The following ARL15 variants were observed in gnomAD, a reference collection of about 807,000 sequenced individuals.
ARL15 encodes the protein ARF like GTPase 15, also known as ADP-ribosylation factor-like protein 15.
Under a neutral mutation model 25.2 loss-of-function variants are expected in ARL15, and 19 were observed. The observed-to-expected ratio is 0.75, with a 90% CI of 0.53 to 1.10. ARL15 has a LOEUF of 1.10. Among genes scored for constraint, ARL15 ranks in the 50% least tolerant of loss-of-function variants. The pLI, the probability that ARL15 is intolerant of heterozygous loss-of-function variation, is 0.00. For synonymous variants in ARL15, 94 were observed against 86.8 expected, an observed-to-expected ratio of 1.08 and a Z score of -0.46; for missense variants, 220 against 246.0, an observed-to-expected ratio of 0.89 and a Z score of 0.71.
chr5:54,168,208 C>T (rs1754629798), intron 2 of ARL15, among the ~76,000 whole-genome samples: 1 of 152,142 alleles, frequency 6.6e-6, no homozygotes, highest in South Asian at 2.1e-4. Flanking sequence ...TAGCACCTTT[C>T]TTCCCGCTTT....
chr5:53,965,772 G>A (rs1454726963), intron 4 of ARL15, among the ~76,000 whole-genome samples: 2 of 152,010 alleles, frequency 1.3e-5, no homozygotes, highest in Admixed American at 6.6e-5. Context: ...CTGTGGGTTT[G>A]GCAAGCACAC....
intron 3 of ARL15, among the ~76,000 whole-genome samples, chr5:54,127,869 T>C (rs962512995): frequency 1.3e-5 from 2 of 151,548 alleles, no homozygotes; most frequent in African/African-American, 2.4e-5. Context: ...ATGCCGCATA[T>C]CTACAACTAT....
intron 1 of ARL15, among the ~76,000 whole-genome samples, chr5:54,178,578 C>T (rs935662720): frequency 6.6e-6 from 1 of 152,176 alleles, no homozygotes. Context: ...TCACCCATAA[C>T]TTTAAGTGGA....
At chr5:53,894,177 T>C (rs558645979) in intron 4 of ARL15, among the ~76,000 whole-genome samples, 2 of 152,350 alleles carry the variant, frequency 1.3e-5, no homozygotes, top group Admixed American at 6.5e-5. Flanking sequence ...TGCTTCTTTC[T>C]TAAGGATACT....
At chr5:54,241,371 T>G (rs1168697597) in intron 1 of ARL15, among the ~76,000 whole-genome samples, 1 of 152,166 alleles carries the variant, frequency 6.6e-6, no homozygotes, top group Non-Finnish European at 1.5e-5. Context: ...TCATTATTAT[T>G]CAGAATCATA....
At chr5:54,113,794 G>A (rs1421040378) in intron 3 of ARL15, among the ~76,000 whole-genome samples, 4 of 152,164 alleles carry the variant, frequency 2.6e-5, no homozygotes, top group African/African-American at 9.7e-5. Flanking sequence ...GCCTCAGAGA[G>A]CTGCATGGCC....
At chr5:53,943,769 C>T (rs1746626013) in intron 4 of ARL15, among the ~76,000 whole-genome samples, 2 of 152,148 alleles carry the variant, frequency 1.3e-5, no homozygotes, top group Admixed American at 6.5e-5. Flanking sequence ...AATTTTCTAC[C>T]TGAGAGCTGG....
chr5:53,965,814 G>T (rs1747540673), intron 4 of ARL15, among the ~76,000 whole-genome samples: 1 of 152,016 alleles, frequency 6.6e-6, no homozygotes, highest in Non-Finnish European at 1.5e-5. Flanking sequence ...GTCTGAGATT[G>T]GAGTAAATGG....
intron 4 of ARL15, among the ~76,000 whole-genome samples, chr5:53,926,953 A>ATTTT: frequency 3.3e-5 from 5 of 149,276 alleles, no homozygotes; most frequent in South Asian, 2.1e-4. Flanking sequence ...TTTTTTTAAA[A>ATTTT]AAAAAAAATA....
In ARL15 at chr5:54,058,020, T is replaced by TTTA. The variant is rs1416953489; in HGVS notation, c.462+55181_462+55182insTAA. ...TATTTATTTATTTATTTATTTATTT[T>TTTA]TTTTGACAAAGTCTCGCTCTTGTTC... On this transcript the variant is annotated intron_variant, in intron 4 of 4. Coordinates refer to ENST00000504924, the MANE Select transcript of ARL15 (RefSeq NM_019087.3). 7.2e-3 allele frequency among the ~76,000 whole-genome samples: 1,077 copies of TTTA among 150,410 alleles called. 11 individuals carry two copies. The highest frequency in any genetic ancestry group is 0.012 in the Non-Finnish European group (792 of 67,306).
At chr5:54,152,133 C>T (rs1754086045) in intron 3 of ARL15, among the ~76,000 whole-genome samples, 1 of 152,090 alleles carries the variant, frequency 6.6e-6, no homozygotes, top group Non-Finnish European at 1.5e-5. Flanking sequence ...TCTGAGCAAC[C>T]CTCCACTGGT....
chr5:54,084,862 C>A (rs939129510), intron 4 of ARL15, among the ~76,000 whole-genome samples: 3 of 152,158 alleles, frequency 2.0e-5, no homozygotes. Flanking sequence ...TGAAAAACAT[C>A]ATCTTGGAAC....
intron 4 of ARL15, among the ~76,000 whole-genome samples, chr5:53,922,381 A>T (rs1189709674): frequency 6.6e-6 from 1 of 152,224 alleles, no homozygotes; most frequent in Admixed American, 6.5e-5. Flanking sequence ...CAGTTCATTT[A>T]GTCTTTGAAT....
At chr5:54,220,624 C>G (rs753575164) in intron 1 of ARL15, among the ~76,000 whole-genome samples, 29 of 152,160 alleles carry the variant, frequency 1.9e-4, no homozygotes, top group Admixed American at 3.3e-4. Flanking sequence ...CACACTCATC[C>G]TATGTTTCAT....
chr5:53,887,354 C>T (rs1561136205), intron 4 of ARL15: 1 of 693,516 alleles, frequency 1.4e-6, no homozygotes, highest in East Asian at 2.7e-5. Context: ...AATCTTCTAC[C>T]TTTTTTTTTC....
At chr5:54,009,051 T>C (rs1400985360) in intron 4 of ARL15, among the ~76,000 whole-genome samples, 1 of 152,218 alleles carries the variant, frequency 6.6e-6, no homozygotes, top group Non-Finnish European at 1.5e-5. Flanking sequence ...AGTATTCATG[T>C]TTCATTATAA....
intron 4 of ARL15, among the ~76,000 whole-genome samples, chr5:53,988,133 A>G (rs150484368): frequency 4.7e-4 from 70 of 150,400 alleles, no homozygotes; most frequent in African/African-American, 1.7e-3. Context: ...TAATAATGAT[A>G]ATAATAATAA....
intron 4 of ARL15, among the ~76,000 whole-genome samples, chr5:54,085,446 T>C (rs889185617): frequency 6.6e-6 from 1 of 152,188 alleles, no homozygotes; most frequent in Non-Finnish European, 1.5e-5. Context: ...ATAAGTTTTT[T>C]TAGAAATTTT....
At chr5:54,073,136 T>C (rs549275152) in intron 4 of ARL15, among the ~76,000 whole-genome samples, 7 of 152,336 alleles carry the variant, frequency 4.6e-5, no homozygotes, top group African/African-American at 1.7e-4. Flanking sequence ...TACTGAACAG[T>C]TGATTATAGA....
Sources: gnomAD v4.1 joint callset for allele counts (sites outside exome capture counted in the v4.1 genomes callset) on GRCh38, gnomAD v4.1.1 for gene constraint, MANE v1.5 for transcripts, NCBI Gene and HGNC (gene_info 2026-07-23, HGNC 2026-07-21) for gene names.